PTPRT: variants seen among roughly 807,000 people sequenced by gnomAD.
PTPRT encodes protein tyrosine phosphatase receptor type T.
PTPRT carries 56 observed loss-of-function variants against 176.8 expected under a neutral mutation model. That is an observed-to-expected ratio of 0.32 (90% CI 0.26 to 0.40). The LOEUF is 0.40. PTPRT is among the 10% of genes least tolerant of loss of function. PTPRT has a pLI of 1.00. For missense variants in PTPRT, 1,540 were observed against 1,908.2 expected (o/e 0.81, Z 3.60); for synonymous variants, 783 against 739.0 (o/e 1.06, Z -0.96).
At chr20:42,367,420 G>C (rs2058529698) in intron 9 of PTPRT, among the ~76,000 whole-genome samples, 1 of 152,214 alleles carries the variant, frequency 6.6e-6, no homozygotes, top group Admixed American at 6.5e-5. Flanking sequence ...GGCAGTATCA[G>C]TAGCTGTTAT....
intron 19 of PTPRT, among the ~76,000 whole-genome samples, chr20:42,121,505 T>G (rs986600854): frequency 2.0e-5 from 3 of 152,084 alleles, no homozygotes; most frequent in African/African-American, 7.2e-5. Context: ...CAACACAGCA[T>G]GGTGGTTATG....
At chr20:42,048,570 G>C in the PTPRT span, among the ~76,000 whole-genome samples, 1 of 152,116 alleles carries the variant, frequency 6.6e-6, no homozygotes, top group Admixed American at 6.5e-5. Context: ...CTGCATGTAG[G>C]TGTTCCGGCC....
chr20:42,531,484 C>G (rs573627237), intron 7 of PTPRT, among the ~76,000 whole-genome samples: 7 of 152,302 alleles, frequency 4.6e-5, no homozygotes, highest in Non-Finnish European at 8.8e-5. Context: ...TAGGCGAGGC[C>G]TTAATCAAAT....
intron 1 of PTPRT, among the ~76,000 whole-genome samples, chr20:42,956,276 T>C (rs1981628248): frequency 6.6e-6 from 1 of 152,150 alleles, no homozygotes; most frequent in African/African-American, 2.4e-5. Context: ...GGGAAGCAAT[T>C]GGATCATGGG....
intron 11 of PTPRT, among the ~76,000 whole-genome samples, chr20:42,345,524 CATAT>C (rs1341070994): frequency 2.1e-5 from 3 of 146,270 alleles, no homozygotes; most frequent in African/African-American, 7.6e-5. Context: ...TATAGATATA[CATAT>C]ATATATAAAA....
chr20:42,593,601 A>G (rs2073617637), intron 7 of PTPRT, among the ~76,000 whole-genome samples: 1 of 152,170 alleles, frequency 6.6e-6, no homozygotes, highest in South Asian at 2.1e-4. Context: ...GACAACCTTA[A>G]ACTCTCATCG....
intron 2 of PTPRT, among the ~76,000 whole-genome samples, chr20:42,796,539 C>T (rs770562253): frequency 4.6e-5 from 7 of 152,346 alleles, no homozygotes; most frequent in South Asian, 4.1e-4. Flanking sequence ...TTTCCGACTC[C>T]GATTTCAGTT....
chr20:42,284,660 A>G (rs1037208721), intron 12 of PTPRT, among the ~76,000 whole-genome samples: 4 of 152,170 alleles, frequency 2.6e-5, no homozygotes, highest in African/African-American at 9.6e-5. Flanking sequence ...AATTCCTTTT[A>G]GACACTGATA....
intron 3 of PTPRT, among the ~76,000 whole-genome samples, chr20:42,783,738 C>T (rs992051646): frequency 6.6e-5 from 10 of 152,156 alleles, no homozygotes; most frequent in African/African-American, 2.4e-4. Context: ...CAAGCACACT[C>T]TCAAGAAAAT....
intron 15 of PTPRT, among the ~76,000 whole-genome samples, chr20:42,231,023 C>T (rs1028625669): frequency 2.0e-5 from 3 of 152,200 alleles, no homozygotes; most frequent in Non-Finnish European, 4.4e-5. Context: ...CTCCTCTCAA[C>T]ATGTTGCCTG....
chr20:42,162,719 T>C (rs574119907), intron 16 of PTPRT, among the ~76,000 whole-genome samples: 19 of 152,368 alleles, frequency 1.2e-4, no homozygotes, highest in African/African-American at 4.6e-4. Context: ...ACTCGGCCTA[T>C]GCCATACTCA....
At chr20:42,271,669 G>A (rs1200679910) in intron 13 of PTPRT, among the ~76,000 whole-genome samples, 1 of 152,152 alleles carries the variant, frequency 6.6e-6, no homozygotes, top group Non-Finnish European at 1.5e-5. Context: ...GTCACAAACT[G>A]GTAAAGGTTG....
intron 6 of PTPRT, among the ~76,000 whole-genome samples, chr20:42,733,307 C>G (rs1012140423): frequency 6.6e-6 from 1 of 152,220 alleles, no homozygotes; most frequent in African/African-American, 2.4e-5. Context: ...GGGGTTCACT[C>G]TCTTCTGAAA....
intron 15 of PTPRT, among the ~76,000 whole-genome samples, chr20:42,226,786 C>A (rs559791053): frequency 6.6e-6 from 1 of 152,148 alleles, no homozygotes; most frequent in Admixed American, 6.5e-5. Flanking sequence ...GCTGGATCAG[C>A]AAAAGGGTAT....
chr20:42,577,734 G>A (rs896445843), intron 7 of PTPRT, among the ~76,000 whole-genome samples: 2 of 151,444 alleles, frequency 1.3e-5, no homozygotes, highest in Non-Finnish European at 2.9e-5. Flanking sequence ...ACGGAGATGT[G>A]TGTGTCTCAA....
At chr20:42,376,969 G>T (rs145854983) in intron 9 of PTPRT, among the ~76,000 whole-genome samples, 1 of 152,292 alleles carries the variant, frequency 6.6e-6, no homozygotes, top group Non-Finnish European at 1.5e-5. Context: ...CCCTTTTAAA[G>T]AAAGCACACA....
chr20:42,893,216 T>C, intron 1 of PTPRT, among the ~76,000 whole-genome samples: 1 of 152,194 alleles, frequency 6.6e-6, no homozygotes, highest in East Asian at 1.9e-4. Flanking sequence ...GAACAGACAC[T>C]TCTCAAAAGA....
At chr20:42,671,608 A>G (rs1325037756) in intron 7 of PTPRT, among the ~76,000 whole-genome samples, 1 of 152,184 alleles carries the variant, frequency 6.6e-6, no homozygotes, top group Non-Finnish European at 1.5e-5. Flanking sequence ...GTGGACAAGG[A>G]AGACTTCCTG....
intron 6 of PTPRT, among the ~76,000 whole-genome samples, chr20:42,705,836 T>C (rs2076046091): frequency 6.6e-6 from 1 of 152,164 alleles, no homozygotes; most frequent in Non-Finnish European, 1.5e-5. Flanking sequence ...ATAACTGTAG[T>C]TGTCTGTCAC....
Sources: gnomAD v4.1 joint callset for allele counts (sites outside exome capture counted in the v4.1 genomes callset) on GRCh38, gnomAD v4.1.1 for gene constraint, MANE v1.5 for transcripts, NCBI Gene and HGNC (gene_info 2026-07-23, HGNC 2026-07-21) for gene names.